SAMD7: variants seen among roughly 807,000 people sequenced by gnomAD.
SAMD7 encodes sterile alpha motif domain-containing protein 7.
Under a neutral mutation model 36.7 loss-of-function variants are expected in SAMD7, and 34 were observed. That is an observed-to-expected ratio of 0.93 (90% CI 0.71 to 1.23). SAMD7 has a LOEUF of 1.23. SAMD7 is among the 50% of genes most tolerant of loss of function. SAMD7 has a pLI of 0.00. For synonymous variants in SAMD7, 188 were observed against 189.7 expected, an observed-to-expected ratio of 0.99 and a Z score of 0.07; for missense variants, 570 against 546.6, an observed-to-expected ratio of 1.04 and a Z score of -0.43.
At chr3:169,925,245 TAC>T (rs1713210044) in intron 5 of SAMD7, 109 bp downstream of exon 5, 6 of 635,450 alleles carry the variant, frequency 9.4e-6, no homozygotes, top group Admixed American at 6.7e-5. Flanking sequence ...AACAAATAAA[TAC>T]ACACACACAA....
At chr3:169,920,544 G>A (rs189762150) in intron 3 of SAMD7, among the ~76,000 whole-genome samples, 3 of 152,256 alleles carry the variant, frequency 2.0e-5, no homozygotes, top group Admixed American at 6.5e-5. Context: ...TTTTGGTGGC[G>A]AGGCGAAACA....
chr3:169,921,339 G>A lies in SAMD7; in HGVS notation c.211+1G>A. The A allele has an allele frequency of 6.2e-7, 1 of 1,613,452 alleles. No individual in the cohort carries two copies. Among genetic ancestry groups the A allele is most frequent in the South Asian group, 1.1e-5 (1 of 91,046 alleles). On this transcript the variant is annotated splice_donor_variant, in intron 4 of 8. Coordinates refer to ENST00000335556, the MANE Select transcript of SAMD7 (RefSeq NM_001304366.2). LOFTEE classifies it high-confidence loss of function. The stretch of plus-strand genomic sequence containing the variant: ...GTGTTGTCCAGTCGGATCTACCCAG[G>A]TATGAGCAATAGAAGTTTGGCTCTC...
chr3:169,917,653 A>T (rs913599537), intron 2 of SAMD7, among the ~76,000 whole-genome samples: 4 of 150,920 alleles, frequency 2.7e-5, no homozygotes, highest in African/African-American at 7.3e-5. Flanking sequence ...TTATTTATTT[A>T]TTTTTTGAGA....
intron 1 of SAMD7, among the ~76,000 whole-genome samples, chr3:169,915,156 C>G (rs1431478621): frequency 6.6e-6 from 1 of 152,220 alleles, no homozygotes; most frequent in African/African-American, 2.4e-5. Context: ...ACTCTTTGCC[C>G]TTCATGAGGA....
chr3:169,912,969 T>C (rs1712665318), intron 1 of SAMD7, among the ~76,000 whole-genome samples: 1 of 152,180 alleles, frequency 6.6e-6, no homozygotes, highest in African/African-American at 2.4e-5. Context: ...CAAAGGCCTC[T>C]GCAAAACATA....
intron 4 of SAMD7, among the ~76,000 whole-genome samples, chr3:169,922,003 A>G (rs1291844285): frequency 6.6e-6 from 1 of 152,184 alleles, no homozygotes. Flanking sequence ...AAGAGATACT[A>G]AGAATGACAT....
At chr3:169,936,919 T>G (rs1713740487) in intron 8 of SAMD7, among the ~76,000 whole-genome samples, 2 of 152,158 alleles carry the variant, frequency 1.3e-5, no homozygotes, top group Non-Finnish European at 2.9e-5. Context: ...CTTTAGAGTA[T>G]TTCTACCAGA....
intron 7 of SAMD7, among the ~76,000 whole-genome samples, chr3:169,931,302 T>C (rs994082571): frequency 6.6e-6 from 1 of 152,034 alleles, no homozygotes; most frequent in Non-Finnish European, 1.5e-5. Context: ...AAGAAGGGGG[T>C]ACATCTGAGC....
chr3:169,927,648 T>C (rs1713333119), intron 6 of SAMD7, among the ~76,000 whole-genome samples: 1 of 152,174 alleles, frequency 6.6e-6, no homozygotes, highest in South Asian at 2.1e-4. Context: ...AGCATCATTT[T>C]ATTCTATCAG....
At position 169,928,478 on chromosome 3, in the gene SAMD7, T is replaced by A. The variant is rs75972343; in HGVS notation, c.941T>A (p.Ile314Asn). 3.7e-6 allele frequency: 6 copies of A among 1,612,518 alleles called. No homozygotes were observed. The Admixed American group carries it at 5.0e-5, about 13-fold the overall frequency. ...SLPGTHALVT[I>N]GGNLSLDEDI... ...AAAGGAACACATGCACTGGTTACAA[T>A]TGGGGGGAATCTTTCTTTGGATGAA... Residue 314 changes from isoleucine to asparagine, a missense_variant, in exon 7 of 9, where the codon ATT becomes AAT. Coordinates refer to ENST00000335556, the MANE Select transcript of SAMD7 (RefSeq NM_001304366.2).
intron 3 of SAMD7, 27 bp downstream of exon 3, chr3:169,919,611 A>T: frequency 1.3e-6 from 2 of 1,487,754 alleles, no homozygotes; most frequent in Non-Finnish European, 1.9e-6. Context: ...TAATAGTTTG[A>T]TCAAAGAACA....
chr3:169,916,900 C>T lies in SAMD7; in HGVS notation c.-42+1459C>T, dbSNP rs147891636. 5.3e-5 allele frequency among the ~76,000 whole-genome samples: 8 copies of T among 152,284 alleles called. No individual in the cohort carries two copies. The East Asian group carries it at 1.4e-3, about 26-fold the overall frequency. Reference sequence around the variant, plus strand: ...ATTTCAAGTTGCGGGGCAGGGTCCTCGCTAGAGTTATGAGCCCAGCCCATC... The same window carrying T: ...ATTTCAAGTTGCGGGGCAGGGTCCTTGCTAGAGTTATGAGCCCAGCCCATC... On this transcript the variant is annotated intron_variant, in intron 2 of 8. Transcript: ENST00000335556.
chr3:169,928,562 G>A lies in SAMD7; in HGVS notation c.1025G>A (p.Cys342Tyr). ...AGCTTCATTCGCAGCCTTCCAGGTT[G>A]TTCAGACTATGCTCAGGTGACTTAA... ...VHSFIRSLPG[C>Y]SDYAQVFKDH... is the part of the protein sequence containing the mutation. Residue 342 changes from cysteine to tyrosine, a missense_variant, in exon 7 of 9, where the codon TGT (cysteine) becomes TAT (tyrosine). Coordinates refer to ENST00000335556, the MANE Select transcript of SAMD7 (RefSeq NM_001304366.2). 6.2e-7 allele frequency: 1 copy of A among 1,613,796 alleles called. No individual in the cohort carries two copies. Among genetic ancestry groups the A allele is most frequent in the African/African-American group, 1.3e-5 (1 of 75,054 alleles).
chr3:169,932,646 G>A, intron 7 of SAMD7: 1 of 547,692 alleles, frequency 1.8e-6, no homozygotes, highest in Non-Finnish European at 3.6e-6. Flanking sequence ...TGTGCCGATG[G>A]AGACACAATG....
At chr3:169,916,510 T>TG (rs1178678789) in intron 2 of SAMD7, among the ~76,000 whole-genome samples, 1 of 151,992 alleles carries the variant, frequency 6.6e-6, no homozygotes, top group African/African-American at 2.4e-5. Context: ...TAGCCGAGCG[T>TG]GGTGGTGAGT....
At chr3:169,931,969 T>A in intron 7 of SAMD7, 1 of 535,706 alleles carries the variant, frequency 1.9e-6, no homozygotes. Context: ...AGAGAGTGAG[T>A]GGGTCAGGGG....
chr3:169,920,018 C>T (rs1254404335), intron 3 of SAMD7, among the ~76,000 whole-genome samples: 2 of 152,074 alleles, frequency 1.3e-5, no homozygotes, highest in African/African-American at 2.4e-5. Context: ...ACTAAAAATA[C>T]AAAACATTAG....
At chr3:169,916,724 T>C (rs1712818068) in intron 2 of SAMD7, among the ~76,000 whole-genome samples, 1 of 152,208 alleles carries the variant, frequency 6.6e-6, no homozygotes, top group African/African-American at 2.4e-5. Context: ...GTAAGTTCAA[T>C]CTTCTGCTAG....
chr3:169,925,060 TG>T lies in SAMD7; in HGVS notation c.218del (p.Gly73AlafsTer8), dbSNP rs766047128. ...NVLSSRIYPG[W>X]GILPPESIKA... ...GGATGGTGGTTTTCTTTTTTAAGGTTGGGGCATTTTACCACCTGAATCCATA... is the reference window on the plus strand; with the variant it reads ...GGATGGTGGTTTTCTTTTTTAAGGTTGGGCATTTTACCACCTGAATCCATA... On this transcript the variant is annotated frameshift_variant, in exon 5 of 9. Coordinates refer to ENST00000335556, the MANE Select transcript of SAMD7 (RefSeq NM_001304366.2). LOFTEE classifies it high-confidence loss of function. 6.2e-7 allele frequency: 1 copy of T among 1,603,612 alleles called. No homozygotes were observed.
Sources: gnomAD v4.1 joint callset for allele counts (sites outside exome capture counted in the v4.1 genomes callset) on GRCh38, gnomAD v4.1.1 for gene constraint, MANE v1.5 for transcripts, NCBI Gene and HGNC (gene_info 2026-07-23, HGNC 2026-07-21) for gene names.